GSE1: variants seen among roughly 807,000 people sequenced by gnomAD.
GSE1 encodes the protein genetic suppressor element 1.
GSE1 carries 32 observed loss-of-function variants against 112.6 expected under a neutral mutation model. That is an observed-to-expected ratio of 0.28 (90% CI 0.21 to 0.38). The LOEUF (loss-of-function observed/expected upper bound fraction) is 0.38. Among genes scored for constraint, GSE1 ranks in the 10% least tolerant of loss-of-function variants. The pLI is 1.00. For missense variants in GSE1, 2,348 were observed against 1,699.2 expected (o/e 1.38, Z -6.71); for synonymous variants, 1,115 against 735.6 (o/e 1.52, Z -8.35).
intron 1 of GSE1, among the ~76,000 whole-genome samples, chr16:85,320,736 A>G (rs752395954): frequency 4.6e-5 from 7 of 152,174 alleles, no homozygotes; most frequent in African/African-American, 1.2e-4. Context: ...TGTTCCAGCC[A>G]TTGCACTTGT....
chr16:85,635,261 A>G (rs2049893864), intron 2 of GSE1, among the ~76,000 whole-genome samples: 1 of 152,018 alleles, frequency 6.6e-6, no homozygotes, highest in Admixed American at 6.5e-5. Context: ...TTGGCCCAGG[A>G]GGGAGGCCCG....
intron 1 of GSE1, among the ~76,000 whole-genome samples, chr16:85,175,420 C>T (rs2074441621): frequency 6.6e-6 from 1 of 152,198 alleles, no homozygotes; most frequent in African/African-American, 2.4e-5. Context: ...TTAAGACAAG[C>T]CTGGCTTCAA....
chr16:85,537,461 C>A lies in GSE1; in HGVS notation c.2465-96453C>A, dbSNP rs1410063057. On this transcript the variant is annotated intron_variant, in intron 2 of 2. Transcript: ENST00000637419. Reference sequence around the variant, plus strand: ...GAGGGCTTGAGGGCTGCCCGGCCGGCCCAACCTGGGGTCAACGGGGCTGCC... The same window carrying A: ...GAGGGCTTGAGGGCTGCCCGGCCGGACCAACCTGGGGTCAACGGGGCTGCC... Among the ~76,000 whole-genome samples the A allele has an allele frequency of 2.0e-5, 3 of 152,202 alleles. No homozygotes were observed. The East Asian group carries it at 5.8e-4, about 29-fold the overall frequency.
upstream of GSE1, among the ~76,000 whole-genome samples, chr16:85,612,623 G>A (rs528116305): frequency 3.2e-4 from 48 of 150,782 alleles, no homozygotes; most frequent in South Asian, 9.5e-3. Flanking sequence ...AAACTGGGGG[G>A]TGGGGTGCCT....
At chr16:85,478,555 C>G (rs8059417) in intron 2 of GSE1, among the ~76,000 whole-genome samples, 103,103 of 151,326 alleles carry the variant, frequency 0.68, 36,356 homozygotes, top group African/African-American at 0.88. Flanking sequence ...CCATGGCCTG[C>G]CATGGACAGA....
chr16:85,587,912 C>G (rs1383309273), intron 1 of GSE1, among the ~76,000 whole-genome samples: 1 of 152,184 alleles, frequency 6.6e-6, no homozygotes, highest in Non-Finnish European at 1.5e-5. Flanking sequence ...CAGGCACCAC[C>G]TTGCTTCAGC....
chr16:85,471,398 A>G (rs1198719033), intron 2 of GSE1, among the ~76,000 whole-genome samples: 1 of 152,164 alleles, frequency 6.6e-6, no homozygotes, highest in Non-Finnish European at 1.5e-5. Context: ...CTTTCAGCCC[A>G]CATTTATTTA....
intron 2 of GSE1, among the ~76,000 whole-genome samples, chr16:85,484,431 A>G (rs2151879486): frequency 6.6e-6 from 1 of 152,356 alleles, no homozygotes. Flanking sequence ...CCAGACCAGA[A>G]ACAACAGATG....
intron 2 of GSE1, among the ~76,000 whole-genome samples, chr16:85,513,788 C>G (rs575993851): frequency 6.6e-6 from 1 of 152,118 alleles, no homozygotes; most frequent in African/African-American, 2.4e-5. Flanking sequence ...CCCCCACCCC[C>G]GGTGCACACT....
intron 1 of GSE1, among the ~76,000 whole-genome samples, chr16:85,196,730 G>C (rs1284678314): frequency 1.3e-5 from 2 of 152,194 alleles, no homozygotes; most frequent in African/African-American, 4.8e-5. Flanking sequence ...AAGGCTCCCT[G>C]TGTTGGGAGG....
At chr16:85,367,566 G>A (rs545726464) in intron 2 of GSE1, among the ~76,000 whole-genome samples, 7 of 152,172 alleles carry the variant, frequency 4.6e-5, no homozygotes, top group Admixed American at 2.0e-4. Flanking sequence ...GGCTTTAGAC[G>A]GGTGGTCGCA....
intron 1 of GSE1, among the ~76,000 whole-genome samples, chr16:85,343,441 C>T (rs564889043): frequency 6.6e-6 from 1 of 152,230 alleles, no homozygotes; most frequent in Admixed American, 6.5e-5. Context: ...GCAAACAAAT[C>T]TGCAGGTATC....
chr16:85,221,225 C>G (rs1023744288), intron 1 of GSE1, among the ~76,000 whole-genome samples: 1 of 151,966 alleles, frequency 6.6e-6, no homozygotes, highest in Non-Finnish European at 1.5e-5. Flanking sequence ...GGCGGGGGGC[C>G]GGGCTGTGCG....
chr16:85,392,901 A>C (rs1324096122), intron 2 of GSE1, among the ~76,000 whole-genome samples: 2 of 152,216 alleles, frequency 1.3e-5, no homozygotes, highest in Non-Finnish European at 2.9e-5. Flanking sequence ...CCATCCACCC[A>C]GAGGCAGAGT....
chr16:85,334,481 C>T (rs564649501), intron 1 of GSE1, among the ~76,000 whole-genome samples: 1 of 152,366 alleles, frequency 6.6e-6, no homozygotes, highest in East Asian at 1.9e-4. Flanking sequence ...CCCGGCATCC[C>T]TTCTCTGCGT....
intron 3 of GSE1, among the ~76,000 whole-genome samples, chr16:85,654,039 A>G (rs958630819): frequency 6.6e-6 from 1 of 152,088 alleles, no homozygotes; most frequent in South Asian, 2.1e-4. Flanking sequence ...AGGCCCAGGG[A>G]GGGAGACGGA....
intron 1 of GSE1, among the ~76,000 whole-genome samples, chr16:85,624,572 A>G (rs1427568350): frequency 6.6e-6 from 1 of 152,156 alleles, no homozygotes; most frequent in Non-Finnish European, 1.5e-5. Context: ...GCCATTTCCA[A>G]TCTCTTCGCA....
intron 1 of GSE1, among the ~76,000 whole-genome samples, chr16:85,261,248 C>A (rs576001901): frequency 5.9e-5 from 9 of 152,362 alleles, no homozygotes; most frequent in Admixed American, 5.9e-4. Flanking sequence ...CCTAACCATA[C>A]CCAGTGTCGT....
At chr16:85,374,942 A>G (rs960247883) in intron 2 of GSE1, among the ~76,000 whole-genome samples, 1 of 152,158 alleles carries the variant, frequency 6.6e-6, no homozygotes, top group African/African-American at 2.4e-5. Context: ...GGCCATCCCA[A>G]TTGGGCACCC....
Sources: allele counts gnomAD v4.1 joint callset (sites outside exome capture counted in the v4.1 genomes callset), GRCh38; gene constraint gnomAD v4.1.1; transcripts MANE v1.5; gene names NCBI Gene and HGNC (gene_info 2026-07-23, HGNC 2026-07-21).